The following GRIA3 variants were observed in gnomAD, a reference collection of about 807,000 sequenced individuals.
GRIA3 encodes the protein glutamate receptor 3.
GRIA3 carries 3 observed loss-of-function variants against 63.0 expected under a neutral mutation model. That is an observed-to-expected ratio of 0.05 (90% CI 0.02 to 0.12). The LOEUF is 0.12. Among genes scored for constraint, GRIA3 ranks in the 10% least tolerant of loss-of-function variants. The pLI, the probability that GRIA3 is intolerant of heterozygous loss-of-function variation, is 1.00. For synonymous variants in GRIA3, 274 were observed against 257.9 expected, an observed-to-expected ratio of 1.06 and a Z score of -0.60; for missense variants, 347 against 700.9, an observed-to-expected ratio of 0.50 and a Z score of 5.70.
At chrX:123,438,167 G>C (rs2045655450) in intron 12 of GRIA3, among the ~76,000 whole-genome samples, 1 of 111,332 alleles carries the variant, frequency 9.0e-6, no homozygotes, top group African/African-American at 3.3e-5. Flanking sequence ...CTTCTCCCAG[G>C]TCCTGGAAAC....
chrX:123,322,716 C>A (rs180916752), intron 3 of GRIA3, among the ~76,000 whole-genome samples: 3 of 111,630 alleles, frequency 2.7e-5, no homozygotes, highest in Non-Finnish European at 5.6e-5. Flanking sequence ...CCATTCCCCC[C>A]AGGGTTCTAT....
intron 12 of GRIA3, among the ~76,000 whole-genome samples, chrX:123,437,820 G>C (rs1279206292): frequency 8.9e-6 from 1 of 111,756 alleles, no homozygotes; most frequent in African/African-American, 3.2e-5. Flanking sequence ...ACTAGGACTG[G>C]TTAAGAAATT....
intron 3 of GRIA3, among the ~76,000 whole-genome samples, chrX:123,266,185 A>G (rs900191420): frequency 8.9e-6 from 1 of 112,142 alleles, no homozygotes; most frequent in African/African-American, 3.2e-5. Flanking sequence ...TTTTGTAATG[A>G]TTCAAAACCC....
chrX:123,213,053 A>G (rs917359689), intron 2 of GRIA3, among the ~76,000 whole-genome samples: 4 of 111,537 alleles, frequency 3.6e-5, no homozygotes, highest in Non-Finnish European at 7.5e-5. Flanking sequence ...TGCAAACCCT[A>G]TTGTGAACTG....
chrX:123,380,435 A>T (rs1309341308), intron 5 of GRIA3, among the ~76,000 whole-genome samples: 6 of 112,020 alleles, frequency 5.4e-5, no homozygotes, highest in African/African-American at 1.6e-4. Flanking sequence ...TGGCTGCATA[A>T]ATGTCTTCTT....
At chrX:123,474,683 AAAAT>A (rs1305755424) in intron 13 of GRIA3, among the ~76,000 whole-genome samples, 1 of 111,881 alleles carries the variant, frequency 8.9e-6, no homozygotes, top group African/African-American at 3.2e-5. Context: ...CTCTGTCTCA[AAAAT>A]AAATAATTAA....
rs912095249 is a variant in GRIA3 at position 123,449,844 on chromosome X, C to T, written c.2077-15021C>T. Among the ~76,000 whole-genome samples, 8 of 111,953 alleles carry T rather than the reference C, an allele frequency of 7.1e-5. No individual in the cohort carries two copies. In the Admixed American group the frequency reaches 7.6e-4, roughly 11 times the overall value. On this transcript the variant is annotated intron_variant, in intron 12 of 15. Transcript: ENST00000620443. ...AAACACTTAATATGATACCATACTT[C>T]CTGTCACCCACATGTGCCCAGGCCC...
intron 3 of GRIA3, among the ~76,000 whole-genome samples, chrX:123,271,189 T>C: frequency 8.9e-6 from 1 of 112,237 alleles, no homozygotes. Flanking sequence ...CATAAACTAT[T>C]TGTTTCATGA....
At chrX:123,241,472 T>A (rs1323262148) in intron 2 of GRIA3, among the ~76,000 whole-genome samples, 1 of 110,867 alleles carries the variant, frequency 9.0e-6, no homozygotes, top group Non-Finnish European at 1.9e-5. Context: ...GTGGTTTTGT[T>A]TTGTTTTATT....
chrX:123,388,309 A>C (rs2045365120), intron 5 of GRIA3, among the ~76,000 whole-genome samples: 1 of 110,606 alleles, frequency 9.0e-6, no homozygotes, highest in Non-Finnish European at 1.9e-5. Flanking sequence ...ACAGTGGTTC[A>C]CTCTTGGCTC....
At chrX:123,308,180 C>T (rs373162356) in intron 3 of GRIA3, among the ~76,000 whole-genome samples, 3 of 111,895 alleles carry the variant, frequency 2.7e-5, no homozygotes, top group Non-Finnish European at 5.6e-5. Flanking sequence ...TCTGTGTTAA[C>T]CAGCCAAAGC....
chrX:123,253,190 T>C, intron 2 of GRIA3, 113 bp from the exon 3 acceptor site: 1 of 893,715 alleles, frequency 1.1e-6, no homozygotes, highest in Non-Finnish European at 1.6e-6. Context: ...CAGGGGCTTC[T>C]TTCTTCTGAG....
chrX:123,270,484 A>G (rs2044514484), intron 3 of GRIA3, among the ~76,000 whole-genome samples: 1 of 112,557 alleles, frequency 8.9e-6, no homozygotes, highest in Non-Finnish European at 1.9e-5. Flanking sequence ...TTCCCTCATC[A>G]CTTGATCGTA....
At chrX:123,286,143 C>T (rs2044618246) in intron 3 of GRIA3, among the ~76,000 whole-genome samples, 1 of 111,980 alleles carries the variant, frequency 8.9e-6, no homozygotes, top group East Asian at 2.8e-4. Flanking sequence ...TACCTGGAAA[C>T]TGAACAACCT....
At chrX:123,310,893 C>T (rs778693218) in intron 3 of GRIA3, among the ~76,000 whole-genome samples, 3 of 110,252 alleles carry the variant, frequency 2.7e-5, no homozygotes, top group Non-Finnish European at 5.7e-5. Flanking sequence ...ATCCCAGCTA[C>T]TCAGGAGGCT....
intron 2 of GRIA3, among the ~76,000 whole-genome samples, chrX:123,205,833 T>C (rs181399362): frequency 1.7e-4 from 19 of 111,828 alleles, no homozygotes; most frequent in African/African-American, 5.8e-4. Context: ...ATTTTTTCAC[T>C]GATATTTAGA....
At chrX:123,234,405 CA>C (rs2044291928) in intron 2 of GRIA3, among the ~76,000 whole-genome samples, 1 of 111,974 alleles carries the variant, frequency 8.9e-6, no homozygotes, top group Non-Finnish European at 1.9e-5. Context: ...TCTTGGAATC[CA>C]TTTCACAAAT....
intron 3 of GRIA3, among the ~76,000 whole-genome samples, chrX:123,302,577 C>T (rs1321933129): frequency 9.0e-6 from 1 of 111,161 alleles, no homozygotes. Flanking sequence ...GATAGTAATA[C>T]TCCCACCTCA....
chrX:123,221,163 G>C (rs1306246763), intron 2 of GRIA3, among the ~76,000 whole-genome samples: 2 of 112,492 alleles, frequency 1.8e-5, no homozygotes, highest in Non-Finnish European at 3.7e-5. Context: ...GATCAGTTTA[G>C]CATCAACTTG....
Sources: allele counts gnomAD v4.1 joint callset (sites outside exome capture counted in the v4.1 genomes callset), GRCh38; gene constraint gnomAD v4.1.1; transcripts MANE v1.5; gene names NCBI Gene and HGNC (gene_info 2026-07-23, HGNC 2026-07-21).